The following SLF1 variants were observed in gnomAD, a reference collection of about 807,000 sequenced individuals.
The protein encoded by SLF1 is SMC5-SMC6 complex localization factor protein 1.
A neutral mutation model predicts 123.0 loss-of-function variants in SLF1; 105 were observed. The observed-to-expected ratio is 0.85, with a 90% CI of 0.73 to 1.00. The LOEUF (loss-of-function observed/expected upper bound fraction) is 1.00, where lower values mean the gene tolerates loss of function less well. Ranked by LOEUF, SLF1 falls within the 50% of genes least tolerant of loss-of-function variation. The pLI is 0.00. For missense variants in SLF1, 1,239 were observed against 1,223.0 expected, an observed-to-expected ratio of 1.01 and a Z score of -0.20; for synonymous variants, 434 against 406.6, an observed-to-expected ratio of 1.07 and a Z score of -0.81.
At chr5:94,659,077 C>T (rs1748757704) in intron 9 of SLF1, among the ~76,000 whole-genome samples, 1 of 92,732 alleles carries the variant, frequency 1.1e-5, no homozygotes. Context: ...AAAGACCTGT[C>T]TTCATGTTTA....
At chr5:94,683,158 A>G (rs971355350) in intron 15 of SLF1, among the ~76,000 whole-genome samples, 1 of 152,180 alleles carries the variant, frequency 6.6e-6, no homozygotes, top group Non-Finnish European at 1.5e-5. Context: ...CTCAGATTAC[A>G]TCATTATTGC....
At chr5:94,649,732 T>G in intron 6 of SLF1, 135 bp downstream of exon 6, 1 of 799,300 alleles carries the variant, frequency 1.3e-6, no homozygotes, top group East Asian at 3.0e-5. Context: ...AGTCTGTGAC[T>G]TGAACATGTT....
intron 4 of SLF1, among the ~76,000 whole-genome samples, chr5:94,638,392 G>A (rs1445175123): frequency 6.6e-6 from 1 of 151,872 alleles, no homozygotes; most frequent in Non-Finnish European, 1.5e-5. Context: ...TGTTAGCCAG[G>A]CTAGTCTCGA....
intron 1 of SLF1, among the ~76,000 whole-genome samples, chr5:94,622,485 T>C (rs933044575): frequency 6.6e-6 from 1 of 152,152 alleles, no homozygotes; most frequent in Non-Finnish European, 1.5e-5. Flanking sequence ...AATGAAGATA[T>C]GAAACAATGT....
At chr5:94,686,183 A>G (rs914758446) in intron 15 of SLF1, among the ~76,000 whole-genome samples, 7 of 152,218 alleles carry the variant, frequency 4.6e-5, no homozygotes, top group African/African-American at 1.4e-4. Context: ...ATGTTCATTT[A>G]AAAACTAATT....
At chr5:94,646,180 A>G (rs1585139555) in intron 5 of SLF1, among the ~76,000 whole-genome samples, 1 of 152,220 alleles carries the variant, frequency 6.6e-6, no homozygotes, top group South Asian at 2.1e-4. Flanking sequence ...CAGGATGTTG[A>G]GGCTGCAGTT....
At chr5:94,690,447 T>G (rs1752943867) in intron 18 of SLF1, among the ~76,000 whole-genome samples, 1 of 152,190 alleles carries the variant, frequency 6.6e-6, no homozygotes, top group African/African-American at 2.4e-5. Flanking sequence ...ACTCAGATAT[T>G]AATTTCACAA....
In SLF1 at chr5:94,662,331, C is replaced by T; in HGVS notation, c.1189C>T (p.Gln397Ter). 1 of 1,549,866 alleles carries T rather than the reference C, an allele frequency of 6.5e-7. No homozygotes were observed. Among genetic ancestry groups the T allele is most frequent in the South Asian group, 1.2e-5 (1 of 83,770 alleles). ...ATACAACTGCATTAGAATAGATAAA[C>T]AACCAGTGTACAACGTAGAGGTAAG... Reference protein sequence around the residue: ...VRYNCIRIDKQPVYNVEVKNA... With the variant: ...VRYNCIRIDK The change falls in exon 10 of 21, where the codon CAA becomes TAA. Residue 397 changes from glutamine (Q) to a stop codon, truncating the protein, a stop_gained. Coordinates refer to ENST00000265140, the MANE Select transcript of SLF1 (RefSeq NM_032290.4). LOFTEE classifies it high-confidence loss of function.
intron 16 of SLF1, among the ~76,000 whole-genome samples, chr5:94,687,196 C>T (rs200603631): frequency 0.15 from 22,267 of 152,114 alleles, 1,811 homozygotes; most frequent in East Asian, 0.32. Flanking sequence ...AGCCAGCGGC[C>T]GTGCTGAGTG....
chr5:94,673,241 G>A (rs999171568), intron 14 of SLF1, among the ~76,000 whole-genome samples: 2 of 152,028 alleles, frequency 1.3e-5, no homozygotes, highest in Non-Finnish European at 1.5e-5. Flanking sequence ...TCCTCAGGGC[G>A]AAGTCAGGTA....
intron 17 of SLF1, among the ~76,000 whole-genome samples, chr5:94,689,082 CAGAA>C (rs1934196533): frequency 2.0e-5 from 3 of 152,104 alleles, no homozygotes; most frequent in Admixed American, 2.0e-4. Flanking sequence ...GTATAAAACT[CAGAA>C]AGCCTGAAAG....
At chr5:94,672,861 T>C (rs1409183977) in intron 14 of SLF1, among the ~76,000 whole-genome samples, 1 of 152,204 alleles carries the variant, frequency 6.6e-6, no homozygotes. Flanking sequence ...TATTATTCAC[T>C]ATATGCTTTT....
At chr5:94,635,278 T>C (rs1291021769) in intron 4 of SLF1, among the ~76,000 whole-genome samples, 3 of 151,808 alleles carry the variant, frequency 2.0e-5, no homozygotes, top group Non-Finnish European at 2.9e-5. Flanking sequence ...CATCCCTTCA[T>C]TTTCACTCTG....
chr5:94,666,690 G>T (rs1489188532), intron 12 of SLF1, among the ~76,000 whole-genome samples: 2 of 152,180 alleles, frequency 1.3e-5, no homozygotes, highest in Non-Finnish European at 2.9e-5. Flanking sequence ...AGGCTGGAGT[G>T]CAGTGGCCTG....
chr5:94,682,565 T>G (rs1751925534), intron 15 of SLF1, among the ~76,000 whole-genome samples: 1 of 152,234 alleles, frequency 6.6e-6, no homozygotes, highest in African/African-American at 2.4e-5. Flanking sequence ...GTGACACAAC[T>G]GAGATTCACA....
intron 8 of SLF1, among the ~76,000 whole-genome samples, 176 bp downstream of exon 8, chr5:94,653,597 T>C (rs1748009668): frequency 6.6e-6 from 1 of 152,204 alleles, no homozygotes; most frequent in Non-Finnish European, 1.5e-5. Context: ...TGTACATGCA[T>C]ATACAAAGAA....
chr5:94,629,144 A>C lies in SLF1; in HGVS notation c.167A>C (p.Lys56Thr). 6.5e-7 allele frequency: 1 copy of C among 1,548,330 alleles called. No homozygotes were observed. The highest frequency in any genetic ancestry group is 8.7e-7 in the Non-Finnish European group (1 of 1,145,774). ...LIAERLCKSE[K>T]FLAACAAGKW... Reference sequence around the variant, plus strand: ...GCTGAACGCCTATGTAAGAGTGAAAAATTTTTAGCAGCTTGTGCGGCAGGT... The same window carrying C: ...GCTGAACGCCTATGTAAGAGTGAAACATTTTTAGCAGCTTGTGCGGCAGGT... Residue 56 changes from lysine to threonine, a missense_variant, in exon 3 of 21, where the codon AAA (lysine) becomes ACA (threonine). By Grantham distance (78) the Lys-to-Thr change is moderately conservative. Transcript: ENST00000265140.
rs1306112971 is a variant in SLF1, at chr5:94,697,018, T to G, written c.*1706T>G. ...TAATTAAGGAATCAACATCATGAGT[T>G]AGGGTTTTATACTGTTAGTACAAAG... On this transcript the variant is annotated 3_prime_UTR_variant, in exon 21 of 21. Coordinates refer to ENST00000265140, the MANE Select transcript of SLF1 (RefSeq NM_032290.4). 6.6e-6 allele frequency: 1 copy of G among 151,890 alleles called. No individual in the cohort carries two copies. Among genetic ancestry groups the G allele is most frequent in the Non-Finnish European group, 1.5e-5 (1 of 67,894 alleles). 9.4% of individuals were successfully genotyped at this position (151,890 alleles called of 1,614,324 possible).
At chr5:94,672,807 T>C (rs182351232) in intron 14 of SLF1, among the ~76,000 whole-genome samples, 2 of 152,354 alleles carry the variant, frequency 1.3e-5, no homozygotes, top group East Asian at 3.9e-4. Context: ...TTGTTGTTTT[T>C]GCTGTTTCCT....
Sources: gnomAD v4.1 joint callset for allele counts (sites outside exome capture counted in the v4.1 genomes callset) on GRCh38, gnomAD v4.1.1 for gene constraint, MANE v1.5 for transcripts, NCBI Gene and HGNC (gene_info 2026-07-23, HGNC 2026-07-21) for gene names.